Variants in ULK4 observed in about 807,000 individuals in gnomAD.
The protein encoded by ULK4 is inactive serine/threonine-protein kinase ULK4.
A neutral mutation model predicts 160.6 loss-of-function variants in ULK4; 133 were observed. That is an observed-to-expected ratio of 0.83 (90% CI 0.72 to 0.96). ULK4 has a LOEUF of 0.96. ULK4 is among the 40% of genes least tolerant of loss of function. The pLI is 0.00. For synonymous variants in ULK4, 534 were observed against 539.8 expected, an observed-to-expected ratio of 0.99 and a Z score of 0.15; for missense variants, 1,580 against 1,499.5, an observed-to-expected ratio of 1.05 and a Z score of -0.89.
intron 21 of ULK4, among the ~76,000 whole-genome samples, chr3:41,755,365 T>C (rs534143773): frequency 2.6e-5 from 4 of 152,172 alleles, no homozygotes; most frequent in Admixed American, 6.5e-5. Context: ...GTCATGTATA[T>C]GCCATGTAAA....
At chr3:41,624,343 T>C (rs1041183567) in intron 30 of ULK4, among the ~76,000 whole-genome samples, 2 of 152,222 alleles carry the variant, frequency 1.3e-5, no homozygotes, top group African/African-American at 2.4e-5. Flanking sequence ...AGAACATAAA[T>C]GCCACGACTT....
intron 35 of ULK4, among the ~76,000 whole-genome samples, chr3:41,290,066 A>G (rs1462684507): frequency 2.6e-5 from 4 of 151,978 alleles, no homozygotes; most frequent in African/African-American, 7.2e-5. Context: ...GGAGAGACGG[A>G]GTTCCTCCAT....
intron 2 of ULK4, among the ~76,000 whole-genome samples, chr3:41,941,489 T>TA (rs1417102817): frequency 1.3e-5 from 2 of 151,128 alleles, no homozygotes; most frequent in African/African-American, 4.9e-5. Flanking sequence ...GTAGCACAAT[T>TA]AGAGGAAAAT....
intron 32 of ULK4, among the ~76,000 whole-genome samples, chr3:41,493,800 C>T (rs1347864096): frequency 6.8e-6 from 1 of 147,560 alleles, no homozygotes; most frequent in Non-Finnish European, 1.5e-5. Flanking sequence ...ACTACAAACA[C>T]CTCTACACAA....
At chr3:41,731,751 A>G (rs894198263) in intron 22 of ULK4, among the ~76,000 whole-genome samples, 16 of 152,112 alleles carry the variant, frequency 1.1e-4, no homozygotes, top group Non-Finnish European at 1.9e-4. Context: ...AGTTTTGATA[A>G]CCAAAACAGC....
chr3:41,845,104 T>G (rs2042036138), intron 17 of ULK4, among the ~76,000 whole-genome samples: 1 of 152,118 alleles, frequency 6.6e-6, no homozygotes, highest in African/African-American at 2.4e-5. Flanking sequence ...TAGCTGGGAC[T>G]ACAGGCACCC....
At chr3:41,708,344 T>C (rs1159795815) in intron 25 of ULK4, among the ~76,000 whole-genome samples, 3 of 152,180 alleles carry the variant, frequency 2.0e-5, no homozygotes, top group Non-Finnish European at 4.4e-5. Context: ...CACGATGGAA[T>C]TGTTTTAAAA....
chr3:41,861,121 TAC>T (rs141394928), intron 17 of ULK4, among the ~76,000 whole-genome samples: 26,384 of 152,098 alleles, frequency 0.17, 2,541 homozygotes, highest in Middle Eastern at 0.28. Context: ...GAAAAATTGA[TAC>T]AGTTATTACT....
chr3:41,340,257 T>C (rs2080653799), intron 35 of ULK4, among the ~76,000 whole-genome samples: 1 of 152,234 alleles, frequency 6.6e-6, no homozygotes, highest in South Asian at 2.1e-4. Context: ...CCCCAACCTA[T>C]TTGACCAAGA....
intron 33 of ULK4, 87 bp from the exon 34 acceptor site, chr3:41,455,682 A>G (rs1053955787): frequency 1.7e-6 from 2 of 1,179,318 alleles, no homozygotes; most frequent in African/African-American, 3.0e-5. Flanking sequence ...TCGGGCAGAC[A>G]CAAGGGGCTG....
chr3:41,636,689 C>T (rs1355123772), intron 30 of ULK4, among the ~76,000 whole-genome samples: 1 of 151,996 alleles, frequency 6.6e-6, no homozygotes, highest in African/African-American at 2.4e-5. Flanking sequence ...ATGTGCCATG[C>T]TGGTGCGCTG....
intron 19 of ULK4, among the ~76,000 whole-genome samples, chr3:41,806,910 G>C (rs1315353132): frequency 6.6e-6 from 1 of 152,048 alleles, no homozygotes; most frequent in Non-Finnish European, 1.5e-5. Flanking sequence ...CACCTTGTGA[G>C]GCCATGGCAG....
At chr3:41,392,975 C>T (rs920873113) in intron 35 of ULK4, among the ~76,000 whole-genome samples, 4 of 152,162 alleles carry the variant, frequency 2.6e-5, no homozygotes, top group Admixed American at 2.6e-4. Flanking sequence ...TGTCCTCTAT[C>T]CATATGCATA....
intron 2 of ULK4, among the ~76,000 whole-genome samples, chr3:41,951,144 CAAAAAAAAAAAAAAAA>C (rs34524276): frequency 6.2e-5 from 4 of 64,660 alleles, no homozygotes; most frequent in Non-Finnish European, 1.0e-4. Flanking sequence ...GGCTTCGTCT[CAAAAAAAAAAAAAAAA>C]AAAAAAAAGA....
chr3:41,929,440 G>C (rs1699507366), intron 5 of ULK4, among the ~76,000 whole-genome samples: 1 of 152,158 alleles, frequency 6.6e-6, no homozygotes, highest in South Asian at 2.1e-4. Context: ...ACAAGACAAG[G>C]ATAACCTCTC....
chr3:41,933,607 A>T (rs1716651), intron 4 of ULK4, among the ~76,000 whole-genome samples: 103,689 of 152,006 alleles, frequency 0.68, 39,021 homozygotes, highest in East Asian at 0.83. Flanking sequence ...AAATCTCATT[A>T]AACAACTCCC....
intron 12 of ULK4, 122 bp from the exon 13 acceptor site, chr3:41,900,951 A>G (rs1423247357): frequency 3.2e-6 from 2 of 622,704 alleles, no homozygotes; most frequent in Admixed American, 5.6e-5. Flanking sequence ...ATGTACTTCA[A>G]CTGCTATTCA....
intron 16 of ULK4, among the ~76,000 whole-genome samples, chr3:41,895,238 C>G (rs999021638): frequency 6.6e-6 from 1 of 152,090 alleles, no homozygotes; most frequent in Non-Finnish European, 1.5e-5. Context: ...AGTGAGAGAC[C>G]TTGTCTCTAA....
intron 35 of ULK4, among the ~76,000 whole-genome samples, chr3:41,294,969 A>C (rs2079640840): frequency 6.6e-6 from 1 of 152,198 alleles, no homozygotes; most frequent in Admixed American, 6.5e-5. Context: ...TTATATGGAG[A>C]GATAAAAGAC....
Sources: allele counts gnomAD v4.1 joint callset (sites outside exome capture counted in the v4.1 genomes callset), GRCh38; gene constraint gnomAD v4.1.1; transcripts MANE v1.5; gene names NCBI Gene and HGNC (gene_info 2026-07-23, HGNC 2026-07-21).